Variants in ENOPH1 observed in about 807,000 individuals in gnomAD.
ENOPH1 encodes the protein enolase-phosphatase E1.
In ENOPH1, 14 loss-of-function variants were observed where a neutral mutation model predicts 31.1. The observed-to-expected ratio is 0.45, with a 90% CI of 0.30 to 0.70. The LOEUF (loss-of-function observed/expected upper bound fraction) is 0.70, where lower values mean the gene tolerates loss of function less well. Among genes scored for constraint, ENOPH1 ranks in the 30% least tolerant of loss-of-function variants. The probability of loss-of-function intolerance (pLI) is 0.09; values close to 1 mark genes in which losing one functional copy is unlikely to be tolerated. For synonymous variants in ENOPH1, 127 were observed against 123.2 expected (o/e 1.03, Z -0.21); for missense variants, 243 against 321.5 (o/e 0.76, Z 1.87).
At chr4:82,448,784 C>T (rs1722264385) in intron 2 of ENOPH1, among the ~76,000 whole-genome samples, 1 of 151,578 alleles carries the variant, frequency 6.6e-6, no homozygotes, top group Non-Finnish European at 1.5e-5. Context: ...TTAGGCCGGG[C>T]GCGGTGGCTC....
chr4:82,450,560 G>A (rs1409599070), intron 2 of ENOPH1, among the ~76,000 whole-genome samples: 1 of 152,170 alleles, frequency 6.6e-6, no homozygotes, highest in Non-Finnish European at 1.5e-5. Flanking sequence ...GTGGCTACTA[G>A]GATTTTTGCA....
chr4:82,449,080 A>T (rs1722276936), intron 2 of ENOPH1, among the ~76,000 whole-genome samples: 1 of 132,226 alleles, frequency 7.6e-6, no homozygotes, highest in African/African-American at 3.1e-5. Flanking sequence ...AAAAAAAAAA[A>T]ATACAAAAAA....
intron 3 of ENOPH1, among the ~76,000 whole-genome samples, chr4:82,451,673 C>T (rs2110045319): frequency 6.6e-6 from 1 of 152,370 alleles, no homozygotes; most frequent in Admixed American, 6.5e-5. Context: ...GATGTCCGCA[C>T]TACCACGTTC....
At chr4:82,459,951 G>C in intron 5 of ENOPH1, 30 bp from the exon 6 acceptor site, 1 of 1,609,876 alleles carries the variant, frequency 6.2e-7, no homozygotes, top group Non-Finnish European at 8.5e-7. Context: ...TGGTGTTTCT[G>C]ACACACACAC....
intron 5 of ENOPH1, among the ~76,000 whole-genome samples, chr4:82,458,466 T>C (rs890720920): frequency 1.1e-4 from 16 of 152,092 alleles, no homozygotes; most frequent in Non-Finnish European, 1.6e-4. Flanking sequence ...GCCGAGATCA[T>C]GCCACTGCAC....
intron 1 of ENOPH1, among the ~76,000 whole-genome samples, chr4:82,438,775 G>A (rs1316592682): frequency 6.6e-6 from 1 of 152,178 alleles, no homozygotes; most frequent in Admixed American, 6.5e-5. Context: ...ATGATACCCT[G>A]TGTTTAGCCC....
chr4:82,441,777 AAACAAC>A (rs550702052), intron 1 of ENOPH1, among the ~76,000 whole-genome samples: 5 of 149,676 alleles, frequency 3.3e-5, no homozygotes, highest in South Asian at 2.1e-4. Flanking sequence ...GTCTCTACAA[AAACAAC>A]AACAACAACA....
At chr4:82,436,062 C>T (rs1721897020) in intron 1 of ENOPH1, among the ~76,000 whole-genome samples, 1 of 152,222 alleles carries the variant, frequency 6.6e-6, no homozygotes, top group African/African-American at 2.4e-5. Context: ...AGGGATCTTA[C>T]ATTTCCTGAA....
At chr4:82,446,990 G>A (rs1722209311) in intron 1 of ENOPH1, among the ~76,000 whole-genome samples, 1 of 151,654 alleles carries the variant, frequency 6.6e-6, no homozygotes, top group Non-Finnish European at 1.5e-5. Flanking sequence ...ACAGGCGTGA[G>A]CCACCGCGCC....
chr4:82,431,407 C>A (rs1721755707), intron 1 of ENOPH1, among the ~76,000 whole-genome samples: 1 of 152,216 alleles, frequency 6.6e-6, no homozygotes, highest in African/African-American at 2.4e-5. Flanking sequence ...GGTTCCTCTT[C>A]GCCCCTTCCC....
At chr4:82,434,937 T>C (rs1015334160) in intron 1 of ENOPH1, among the ~76,000 whole-genome samples, 18 of 151,998 alleles carry the variant, frequency 1.2e-4, no homozygotes, top group Non-Finnish European at 2.5e-4. Context: ...GTAACAAATT[T>C]CAGTTTATAG....
Position 82,430,802 on chromosome 4 carries a change from G to A in ENOPH1, c.-28G>A, listed in dbSNP as rs1210472638. On this transcript the variant is annotated 5_prime_UTR_variant, in exon 1 of 6. Transcript: ENST00000273920. ...CGCCCTCCGCCCTCCCCAACAGCAG[G>A]CCGAGTCCCGTAGCATCCGGTAGGG... 4 of 1,611,468 alleles carry A rather than the reference G, an allele frequency of 2.5e-6. No homozygotes were observed. Among genetic ancestry groups the A allele is most frequent in the African/African-American group, 2.7e-5 (2 of 74,892 alleles).
chr4:82,446,096 A>G (rs1578098125), intron 1 of ENOPH1, among the ~76,000 whole-genome samples: 1 of 152,294 alleles, frequency 6.6e-6, no homozygotes, highest in Non-Finnish European at 1.5e-5. Context: ...ATCCTTGCTC[A>G]GTTTAACTGC....
chr4:82,455,576 C>T (rs1422093284), intron 4 of ENOPH1, among the ~76,000 whole-genome samples: 2 of 151,712 alleles, frequency 1.3e-5, no homozygotes, highest in South Asian at 2.1e-4. Context: ...GTCAGGAGAT[C>T]GAGACCATCC....
In ENOPH1 at chr4:82,460,394, G is replaced by T; in HGVS notation, c.*274G>T. 1 of 264,010 alleles carries T rather than the reference G, an allele frequency of 3.8e-6. No homozygotes were observed. Among genetic ancestry groups the T allele is most frequent in the Admixed American group, 5.0e-5 (1 of 19,824 alleles). The allele number at this position is 264,010 out of a possible 1,614,324, so 16.4% of individuals were successfully genotyped here. A position where few individuals can be genotyped will look rare whatever the true frequency, so the allele number is the denominator to read the frequency against. ...TAGTGAGGGCAAAGTGTAGTTGGTA[G>T]AAGAAATTGCTAAATACCTATCTAA... is the stretch of plus-strand genomic sequence containing the variant. On this transcript the variant is annotated 3_prime_UTR_variant, in exon 6 of 6. Coordinates refer to ENST00000273920, the MANE Select transcript of ENOPH1 (RefSeq NM_021204.5).
At chr4:82,457,475 C>G (rs1252592591) in intron 5 of ENOPH1, among the ~76,000 whole-genome samples, 1 of 152,214 alleles carries the variant, frequency 6.6e-6, no homozygotes, top group African/African-American at 2.4e-5. Flanking sequence ...GTTTGTGCCA[C>G]TGCACTCCAG....
intron 1 of ENOPH1, among the ~76,000 whole-genome samples, chr4:82,444,656 A>T (rs1365346439): frequency 6.6e-6 from 1 of 152,198 alleles, no homozygotes; most frequent in African/African-American, 2.4e-5. Flanking sequence ...GTAAGCGATC[A>T]CTGAGCTTTG....
At chr4:82,436,875 C>G (rs1198630894) in intron 1 of ENOPH1, among the ~76,000 whole-genome samples, 3 of 152,100 alleles carry the variant, frequency 2.0e-5, no homozygotes, top group Admixed American at 6.5e-5. Context: ...GTTCATCCTG[C>G]TCTCACACAG....
At chr4:82,449,057 C>CAAAAAA (rs10604951) in intron 2 of ENOPH1, among the ~76,000 whole-genome samples, 2 of 49,492 alleles carry the variant, frequency 4.0e-5, no homozygotes, top group African/African-American at 8.4e-5. Flanking sequence ...GACTCCGTCT[C>CAAAAAA]AAAAAAAAAA....
Sources: allele counts gnomAD v4.1 joint callset (sites outside exome capture counted in the v4.1 genomes callset), GRCh38; gene constraint gnomAD v4.1.1; transcripts MANE v1.5; gene names NCBI Gene and HGNC (gene_info 2026-07-23, HGNC 2026-07-21).